Variants in RELL1 observed in about 807,000 individuals in gnomAD.
The protein encoded by RELL1 is RELT-like protein 1.
Under a neutral mutation model 23.0 loss-of-function variants are expected in RELL1, and 10 were observed. The observed-to-expected ratio is 0.43, with a 90% CI of 0.27 to 0.74. The LOEUF (loss-of-function observed/expected upper bound fraction) is 0.74, where lower values mean the gene tolerates loss of function less well. Ranked by LOEUF, RELL1 falls within the 30% of genes least tolerant of loss-of-function variation. The probability of loss-of-function intolerance (pLI) is 0.19; values close to 1 mark genes in which losing one functional copy is unlikely to be tolerated. For synonymous variants in RELL1, 146 were observed against 146.8 expected (o/e 0.99, Z 0.04); for missense variants, 315 against 364.4 (o/e 0.86, Z 1.10).
At chr4:37,667,384 A>G (rs1560355427) in intron 1 of RELL1, among the ~76,000 whole-genome samples, 2 of 150,956 alleles carry the variant, frequency 1.3e-5, no homozygotes, top group Admixed American at 6.6e-5. Context: ...CAGAACAGAG[A>G]GGTTAAGTAA....
chr4:37,663,458 G>A (rs1721422862), intron 1 of RELL1, among the ~76,000 whole-genome samples: 1 of 152,206 alleles, frequency 6.6e-6, no homozygotes, highest in Non-Finnish European at 1.5e-5. Flanking sequence ...TCTAATATTT[G>A]CTTCAGATTA....
chr4:37,671,676 C>A (rs770647236), intron 1 of RELL1, among the ~76,000 whole-genome samples: 1 of 152,154 alleles, frequency 6.6e-6, no homozygotes, highest in Admixed American at 6.5e-5. Flanking sequence ...CCTTGTTCGG[C>A]GTATAATCAA....
At chr4:37,604,902 C>CACACAG (rs1719142033) in intron 6 of RELL1, among the ~76,000 whole-genome samples, 1 of 45,880 alleles carries the variant, frequency 2.2e-5, no homozygotes, top group East Asian at 1.1e-3. Flanking sequence ...CACACACAGA[C>CACACAG]ACACACACAC....
intron 6 of RELL1, among the ~76,000 whole-genome samples, chr4:37,625,258 GCAATACTA>G (rs2109249782): frequency 6.6e-6 from 1 of 152,000 alleles, no homozygotes; most frequent in Admixed American, 6.5e-5. Context: ...CTGTAATACT[GCAATACTA>G]CTAGAAAAAC....
At chr4:37,684,066 A>G (rs1166345383) in intron 1 of RELL1, among the ~76,000 whole-genome samples, 2 of 152,140 alleles carry the variant, frequency 1.3e-5, no homozygotes, top group African/African-American at 4.8e-5. Context: ...ACAGAGCAAG[A>G]CTCCGTCTCA....
At position 37,604,844 on chromosome 4, in the gene RELL1, C is replaced by T. The variant is rs1560323769; in HGVS notation, c.*4-13627G>A. On this transcript the variant is annotated intron_variant, in intron 6 of 6. Coordinates refer to the RELL1 transcript ENST00000314117. ...ACAGACACACACATACACACAGACA[C>T]ACACACAGACACACACACACAGACA... Among the ~76,000 whole-genome samples the T allele has an allele frequency of 4.2e-3, 525 of 124,568 alleles. 10 individuals are homozygous for T. The highest frequency in any genetic ancestry group is 0.016 in the African/African-American group (453 of 27,694). The allele number at this position is 124,568 out of a possible 152,430, so 81.7% of individuals were successfully genotyped here.
chr4:37,640,996 G>T (rs145011888), intron 3 of RELL1, among the ~76,000 whole-genome samples: 1 of 152,210 alleles, frequency 6.6e-6, no homozygotes, highest in African/African-American at 2.4e-5. Flanking sequence ...CACTGCCTGA[G>T]AAAAATCAAT....
At chr4:37,590,954 C>G in exon 7 of RELL1, 2 of 1,613,726 alleles carry the variant, frequency 1.2e-6, no homozygotes, top group Non-Finnish European at 1.7e-6. Flanking sequence ...GCCCTTGCAG[C>G]TTTAGAAGCT....
chr4:37,621,184 C>T (rs1429362548), intron 6 of RELL1, among the ~76,000 whole-genome samples: 1 of 152,116 alleles, frequency 6.6e-6, no homozygotes, highest in African/African-American at 2.4e-5. Flanking sequence ...CGGCCAGGCG[C>T]GGTGGCTTAC....
chr4:37,654,908 A>G (rs1721071275), intron 1 of RELL1, among the ~76,000 whole-genome samples: 2 of 152,204 alleles, frequency 1.3e-5, no homozygotes, highest in South Asian at 4.1e-4. Flanking sequence ...CAAAACCAAA[A>G]TGCTAAGTGA....
At chr4:37,606,199 AG>A (rs1169496860), downstream of RELL1, among the ~76,000 whole-genome samples, 24 of 150,800 alleles carry the variant, frequency 1.6e-4, no homozygotes, top group Admixed American at 3.3e-4. The surrounding 1 kb of genome is among the most constrained non-coding windows in gnomAD (Gnocchi z 4.1). Flanking sequence ...AAGAGAAAGA[AG>A]AAAGAAAGAA....
intron 1 of RELL1, among the ~76,000 whole-genome samples, chr4:37,672,005 A>G (rs1446327618): frequency 2.6e-5 from 4 of 152,160 alleles, no homozygotes; most frequent in African/African-American, 9.7e-5. Flanking sequence ...AGCAGGCACG[A>G]AAACAGAACT....
chr4:37,658,673 T>C (rs1169762597), intron 1 of RELL1, among the ~76,000 whole-genome samples: 1 of 152,242 alleles, frequency 6.6e-6, no homozygotes, highest in Non-Finnish European at 1.5e-5. Context: ...AAAACACGAC[T>C]TGTAAGAGAG....
chr4:37,648,753 T>C (rs1720793756), intron 2 of RELL1, among the ~76,000 whole-genome samples: 1 of 152,194 alleles, frequency 6.6e-6, no homozygotes, highest in South Asian at 2.1e-4. Flanking sequence ...ATATTTAAGA[T>C]AGAACTCCCC....
At chr4:37,590,244 G>T, downstream of RELL1, 4 of 1,614,242 alleles carry the variant, frequency 2.5e-6, no homozygotes, top group Non-Finnish European at 3.4e-6. Flanking sequence ...GCTCAAAGAA[G>T]ACTGAGAGCA....
intron 6 of RELL1, among the ~76,000 whole-genome samples, chr4:37,618,933 G>A (rs1719672270): frequency 6.6e-6 from 1 of 152,092 alleles, no homozygotes; most frequent in East Asian, 1.9e-4. Flanking sequence ...AGGCTGGAGT[G>A]CAATGGTGTG....
intron 6 of RELL1, among the ~76,000 whole-genome samples, chr4:37,598,319 G>A (rs537952268): frequency 4.4e-5 from 5 of 114,760 alleles, no homozygotes; most frequent in Non-Finnish European, 7.0e-5. Flanking sequence ...GAAAAAATCT[G>A]CAAAGACATT....
chr4:37,630,792 T>C (rs1329620908), intron 6 of RELL1, among the ~76,000 whole-genome samples: 2 of 152,148 alleles, frequency 1.3e-5, no homozygotes, highest in Non-Finnish European at 2.9e-5. Flanking sequence ...AATATTCGTA[T>C]TGAGGTTTCA....
In RELL1 at chr4:37,597,598, A is replaced by T. The variant is rs556889207; in HGVS notation, c.*4-6381T>A. Among the ~76,000 whole-genome samples the T allele has an allele frequency of 6.7e-4, 102 of 152,316 alleles. 1 individual carries two copies. The highest frequency in any genetic ancestry group is 3.4e-3 in the Middle Eastern group (1 of 294). On this transcript the variant is annotated intron_variant, in intron 6 of 6. Coordinates refer to the RELL1 transcript ENST00000314117. ...GTCCATAGCCTCTACTCATCAGCCG[A>T]CGTGCTGCTCTCTCTGTCTTAGATG...
Sources: allele counts gnomAD v4.1 joint callset (sites outside exome capture counted in the v4.1 genomes callset), GRCh38; gene constraint gnomAD v4.1.1; non-coding constraint Gnocchi (gnomAD v3.1); transcripts MANE v1.5; gene names NCBI Gene and HGNC (gene_info 2026-07-23, HGNC 2026-07-21).